SFMBT2: variants seen among roughly 807,000 people sequenced by gnomAD.
The protein encoded by SFMBT2 is scm-like with four MBT domains protein 2.
Under a neutral mutation model 110.1 loss-of-function variants are expected in SFMBT2, and 38 were observed. The ratio of observed to expected loss-of-function variants is 0.35; its 90% CI spans 0.27 to 0.45. The LOEUF is 0.45. Ranked by LOEUF, SFMBT2 falls within the 20% of genes least tolerant of loss-of-function variation. The probability of loss-of-function intolerance (pLI) is 1.00; values close to 1 mark genes in which losing one functional copy is unlikely to be tolerated. For synonymous variants in SFMBT2, 425 were observed against 425.4 expected (o/e 1.00, Z 0.01); for missense variants, 1,011 against 1,094.9 (o/e 0.92, Z 1.08).
At chr10:7,384,165 C>A (rs531463541) in intron 1 of SFMBT2, among the ~76,000 whole-genome samples, 2 of 133,578 alleles carry the variant, frequency 1.5e-5, no homozygotes, top group South Asian at 2.6e-4. Context: ...GAGCTGAGAT[C>A]GCGCCATTGC....
intron 17 of SFMBT2, 30 bp downstream of exon 17, chr10:7,175,960 T>C (rs375160944): frequency 2.1e-5 from 33 of 1,593,782 alleles, no homozygotes; most frequent in Non-Finnish European, 2.7e-5. Context: ...TCTGGGCTCA[T>C]GCATTTCTTT....
At chr10:7,185,949 G>T (rs927741907) in intron 16 of SFMBT2, among the ~76,000 whole-genome samples, 1 of 151,972 alleles carries the variant, frequency 6.6e-6, no homozygotes, top group Non-Finnish European at 1.5e-5. Context: ...TTCCAGAACA[G>T]AAATGAACTA....
intron 15 of SFMBT2, among the ~76,000 whole-genome samples, chr10:7,196,629 G>A (rs1334151640): frequency 1.3e-5 from 2 of 152,184 alleles, no homozygotes; most frequent in East Asian, 3.8e-4. Context: ...GCTTCCGATG[G>A]TGCCTGGCTC....
At chr10:7,298,686 T>C (rs1842477410) in intron 4 of SFMBT2, among the ~76,000 whole-genome samples, 1 of 152,200 alleles carries the variant, frequency 6.6e-6, no homozygotes, top group African/African-American at 2.4e-5. Context: ...TGTGTATACG[T>C]GTACTTGCAT....
At chr10:7,350,909 G>T (rs1440598644) in intron 4 of SFMBT2, among the ~76,000 whole-genome samples, 1 of 152,172 alleles carries the variant, frequency 6.6e-6, no homozygotes, top group East Asian at 1.9e-4. Context: ...AATTCCCTTG[G>T]TAGTAGCCAC....
At chr10:7,337,178 T>C (rs923988653) in intron 4 of SFMBT2, among the ~76,000 whole-genome samples, 1 of 152,240 alleles carries the variant, frequency 6.6e-6, no homozygotes, top group African/African-American at 2.4e-5. Flanking sequence ...CTTACAAGGA[T>C]GCAAAATGCC....
chr10:7,317,243 A>C (rs1338465068), intron 4 of SFMBT2, among the ~76,000 whole-genome samples: 1 of 152,108 alleles, frequency 6.6e-6, no homozygotes, highest in Non-Finnish European at 1.5e-5. Context: ...ACATGGTTTT[A>C]TTCCTCTCAT....
chr10:7,272,952 C>T (rs1325221721), intron 7 of SFMBT2, among the ~76,000 whole-genome samples: 2 of 152,090 alleles, frequency 1.3e-5, no homozygotes, highest in Non-Finnish European at 2.9e-5. Flanking sequence ...GCCACCATGC[C>T]CGGCTAATTT....
chr10:7,326,332 A>G (rs1843383342), intron 4 of SFMBT2, among the ~76,000 whole-genome samples: 1 of 152,246 alleles, frequency 6.6e-6, no homozygotes, highest in South Asian at 2.1e-4. Context: ...AGGAACAATT[A>G]TTCATTGTAT....
chr10:7,287,535 C>G (rs1388664731), intron 4 of SFMBT2, among the ~76,000 whole-genome samples: 1 of 152,138 alleles, frequency 6.6e-6, no homozygotes, highest in African/African-American at 2.4e-5. Flanking sequence ...CCTGAGGGAC[C>G]TGAGCCTTCC....
chr10:7,371,406 C>T (rs1435785724), intron 2 of SFMBT2, among the ~76,000 whole-genome samples: 1 of 152,162 alleles, frequency 6.6e-6, no homozygotes, highest in Non-Finnish European at 1.5e-5. Context: ...GGATTACAGA[C>T]ATGAGCCACC....
chr10:7,198,179 G>T (rs921538231), intron 14 of SFMBT2: 1 of 983,054 alleles, frequency 1.0e-6, no homozygotes, highest in Non-Finnish European at 1.2e-6. Flanking sequence ...GATATTGTTT[G>T]TTTGCTTAAC....
chr10:7,346,506 T>G (rs1285246573), intron 4 of SFMBT2, among the ~76,000 whole-genome samples: 1 of 152,186 alleles, frequency 6.6e-6, no homozygotes, highest in African/African-American at 2.4e-5. Flanking sequence ...GTGCATCCCC[T>G]ATTCCATCAA....
intron 10 of SFMBT2, among the ~76,000 whole-genome samples, chr10:7,223,143 G>GT: frequency 6.6e-6 from 1 of 152,314 alleles, no homozygotes; most frequent in Non-Finnish European, 1.5e-5. Context: ...AAGTTTGCCT[G>GT]TTTTTAGAGA....
intron 9 of SFMBT2, among the ~76,000 whole-genome samples, chr10:7,238,263 T>C (rs1338066117): frequency 1.3e-5 from 2 of 152,158 alleles, no homozygotes; most frequent in African/African-American, 4.8e-5. Flanking sequence ...GGTGAGACTC[T>C]GAAAATGTGG....
intron 7 of SFMBT2, among the ~76,000 whole-genome samples, chr10:7,263,484 C>A (rs1295091330): frequency 6.6e-6 from 1 of 152,174 alleles, no homozygotes; most frequent in Non-Finnish European, 1.5e-5. Context: ...TCAGGTGATC[C>A]ACCCGCCTTG....
chr10:7,239,470 T>C (rs1028518908), intron 9 of SFMBT2, among the ~76,000 whole-genome samples: 1 of 152,186 alleles, frequency 6.6e-6, no homozygotes, highest in Admixed American at 6.5e-5. Flanking sequence ...GGTGTTGAGA[T>C]GCAAGATGTG....
At chr10:7,384,529 A>C (rs1845532956) in intron 1 of SFMBT2, among the ~76,000 whole-genome samples, 1 of 149,150 alleles carries the variant, frequency 6.7e-6, no homozygotes, top group African/African-American at 2.4e-5. Flanking sequence ...TTTTTTAATA[A>C]AAAAAAATGA....
intron 4 of SFMBT2, among the ~76,000 whole-genome samples, chr10:7,332,543 T>G (rs559131670): frequency 6.6e-6 from 1 of 152,204 alleles, no homozygotes; most frequent in Non-Finnish European, 1.5e-5. Flanking sequence ...AAATAACAAA[T>G]GTTTGAGAAA....
Sources: gnomAD v4.1 joint callset for allele counts (sites outside exome capture counted in the v4.1 genomes callset) on GRCh38, gnomAD v4.1.1 for gene constraint, MANE v1.5 for transcripts, NCBI Gene and HGNC (gene_info 2026-07-23, HGNC 2026-07-21) for gene names.